The following DEPDC1 variants were observed in gnomAD, a reference collection of about 807,000 sequenced individuals.
The protein encoded by DEPDC1 is DEP domain-containing protein 1A.
DEPDC1 carries 66 observed loss-of-function variants against 86.8 expected under a neutral mutation model. The ratio of observed to expected loss-of-function variants is 0.76; its 90% CI spans 0.62 to 0.93. DEPDC1 has a LOEUF of 0.93. Ranked by LOEUF, DEPDC1 falls within the 40% of genes least tolerant of loss-of-function variation. The pLI is 0.00. For missense variants in DEPDC1, 792 were observed against 935.7 expected, an observed-to-expected ratio of 0.85 and a Z score of 2.00; for synonymous variants, 255 against 314.9, an observed-to-expected ratio of 0.81 and a Z score of 2.02.
At chr1:68,483,418 C>T (rs1646171603) in intron 7 of DEPDC1, 1 of 463,956 alleles carries the variant, frequency 2.2e-6, no homozygotes, top group Non-Finnish European at 4.2e-6. Flanking sequence ...CCAACTACAA[C>T]CTTGTGGGAG....
chr1:68,488,632 T>G (rs1468358650), intron 4 of DEPDC1, 128 bp from the exon 5 acceptor site: 6 of 779,946 alleles, frequency 7.7e-6, no homozygotes, highest in Non-Finnish European at 1.2e-5. Context: ...ATATTTAGTA[T>G]CCCCTTTCAA....
intron 2 of DEPDC1, among the ~76,000 whole-genome samples, chr1:68,493,951 C>T (rs1198271610): frequency 6.6e-6 from 1 of 152,178 alleles, no homozygotes; most frequent in African/African-American, 2.4e-5. Context: ...CCGCCCACCT[C>T]AGCCTCCCAA....
At chr1:68,495,754 A>G (rs1299025630) in intron 1 of DEPDC1, among the ~76,000 whole-genome samples, 1 of 152,140 alleles carries the variant, frequency 6.6e-6, no homozygotes, top group Non-Finnish European at 1.5e-5. Flanking sequence ...TTTTGGGCCT[A>G]TCTTCAATCT....
Position 68,482,766 on chromosome 1 carries a change from T to C in DEPDC1, c.1042A>G (p.Ser348Gly). 6.2e-7 allele frequency: 1 copy of C among 1,612,792 alleles called. No homozygotes were observed. The highest frequency in any genetic ancestry group is 8.5e-7 in the Non-Finnish European group (1 of 1,179,298). ...TTGTTTTTTTCTCTATGAAGCAGAC[T>C]GAGAAGAAGGCACTCAGTTGATTTG... is the stretch of plus-strand genomic sequence containing the variant. ...SFKSTECLLL[S>G]LLHREKNKEE... is the part of the protein sequence containing the mutation. The change falls in exon 8 of 12, where the codon AGT (serine) becomes GGT (glycine). Residue 348 changes from serine to glycine, a missense_variant. Coordinates refer to ENST00000456315, the MANE Select transcript of DEPDC1 (RefSeq NM_001114120.3).
intron 10 of DEPDC1, among the ~76,000 whole-genome samples, chr1:68,478,652 C>T (rs1338744914): frequency 6.6e-6 from 1 of 151,936 alleles, no homozygotes; most frequent in Non-Finnish European, 1.5e-5. Context: ...TCCTTCTCTC[C>T]TTCTTTTAAT....
At chr1:68,485,660 A>C (rs769375743) in intron 6 of DEPDC1, among the ~76,000 whole-genome samples, 2 of 152,100 alleles carry the variant, frequency 1.3e-5, no homozygotes, top group Non-Finnish European at 2.9e-5. Context: ...ATTCCTAACC[A>C]TGAGCAAAGG....
intron 1 of DEPDC1, among the ~76,000 whole-genome samples, chr1:68,495,335 C>T (rs1425784588): frequency 2.0e-5 from 3 of 152,130 alleles, no homozygotes; most frequent in Non-Finnish European, 4.4e-5. Context: ...ACATTCATCC[C>T]TGTTTTTTAC....
intron 6 of DEPDC1, 61 bp from the exon 7 acceptor site, chr1:68,484,151 A>T: frequency 7.8e-7 from 1 of 1,288,594 alleles, no homozygotes; most frequent in Non-Finnish European, 1.0e-6. Context: ...ACAATTTTTA[A>T]ACATAAAAAG....
intron 1 of DEPDC1, among the ~76,000 whole-genome samples, chr1:68,495,158 A>C (rs973249003): frequency 2.0e-5 from 3 of 151,784 alleles, no homozygotes; most frequent in Non-Finnish European, 4.4e-5. Context: ...AAAAAAAATT[A>C]TATCTTACAC....
At chr1:68,482,996 A>T (rs560205817) in intron 7 of DEPDC1, 99 bp from the exon 8 acceptor site, 2 of 1,256,272 alleles carry the variant, frequency 1.6e-6, no homozygotes, top group African/African-American at 3.1e-5. Flanking sequence ...GCATTACTAT[A>T]GTATATATTG....
chr1:68,485,574 T>A (rs1316169131), intron 6 of DEPDC1, among the ~76,000 whole-genome samples: 2 of 152,188 alleles, frequency 1.3e-5, no homozygotes, highest in African/African-American at 4.8e-5. Context: ...AGGTATTACA[T>A]AGACTGAAAC....
At position 68,489,600 on chromosome 1, in the gene DEPDC1, G is replaced by A; in HGVS notation, c.323C>T (p.Ala108Val). Reference protein sequence around the residue: ...DDNNQLFRFPATSPLKTLPRR... With the variant: ...DDNNQLFRFPVTSPLKTLPRR... The stretch of plus-strand genomic sequence containing the variant: ...TGGTAGAGTTTTAAGTGGCGAAGTT[G>A]CAGGAAATCTGGTTTAAAAACAATA... The change falls in exon 3 of 12, where the codon GCA becomes GTA. Residue 108 changes from alanine to valine, a missense_variant. Coordinates refer to ENST00000456315, the MANE Select transcript of DEPDC1 (RefSeq NM_001114120.3). 6.5e-7 allele frequency: 1 copy of A among 1,533,860 alleles called. No individual in the cohort carries two copies. Among genetic ancestry groups the A allele is most frequent in the Non-Finnish European group, 8.7e-7 (1 of 1,151,704 alleles).
In DEPDC1 at chr1:68,488,930, A is replaced by AT; in HGVS notation, c.575dup (p.Tyr192Ter). 1 of 1,582,034 alleles carries AT rather than the reference A, an allele frequency of 6.3e-7. No homozygotes were observed. The highest frequency in any genetic ancestry group is 8.7e-7 in the Non-Finnish European group (1 of 1,153,216). Residue 192 changes from tyrosine to a stop codon, truncating the protein, a stop_gained and frameshift_variant, in exon 4 of 12, where the codon TAT becomes TAAT. Coordinates refer to ENST00000456315, the MANE Select transcript of DEPDC1 (RefSeq NM_001114120.3). LOFTEE classifies it high-confidence loss of function. ...TTTTATCTTACTAGATCAGAATAAC[A>AT]TATCTCCAAACTTCTTCAACATCTT... ...SQEDVEEVWR[Y>*]VILIYLQTIL... is the part of the protein sequence containing the mutation.
Position 68,488,413 on chromosome 1 carries a change from T to G in DEPDC1, c.682A>C (p.Thr228Pro). ...PQYIMYNMAN[T>P]SKRGVVILQN... ...AGTATAACTACTCCACGTTTACTTGTATTGGCCATGTTGTACATTATATAT... is the reference window on the plus strand; with the variant it reads ...AGTATAACTACTCCACGTTTACTTGGATTGGCCATGTTGTACATTATATAT... Residue 228 changes from threonine to proline, a missense_variant, in exon 5 of 12, where the codon ACA becomes CCA. Physicochemically the swap from Thr to Pro is conservative, Grantham distance 38. Coordinates refer to ENST00000456315, the MANE Select transcript of DEPDC1 (RefSeq NM_001114120.3). 1 of 1,603,614 alleles carries G rather than the reference T, an allele frequency of 6.2e-7. No homozygotes were observed. Among genetic ancestry groups the G allele is most frequent in the African/African-American group, 1.3e-5 (1 of 74,502 alleles).
chr1:68,482,403 G>T lies in DEPDC1; in HGVS notation c.1405C>A (p.Leu469Ile). The change falls in exon 8 of 12, where the codon CTT (leucine) becomes ATT (isoleucine). Residue 469 changes from leucine (L) to isoleucine (I), a missense_variant. Transcript: ENST00000456315. ...SKPKQEFLLNLHSEENIQKPF... is the reference protein window; with the variant it reads ...SKPKQEFLLNIHSEENIQKPF... ...TTTTGAATATTTTCCTCTGAATGAAGATTCAACAGGAATTCCTGTTTGGGC... is the reference window on the plus strand; with the variant it reads ...TTTTGAATATTTTCCTCTGAATGAATATTCAACAGGAATTCCTGTTTGGGC... 2 of 1,612,786 alleles carry T rather than the reference G, an allele frequency of 1.2e-6. No homozygotes were observed. The highest frequency in any genetic ancestry group is 2.2e-5 in the South Asian group (2 of 91,054).
At position 68,488,941 on chromosome 1, in the gene DEPDC1, C is replaced by T. The variant is rs761786406; in HGVS notation, c.565G>A (p.Val189Ile). The T allele has an allele frequency of 6.3e-7, 1 of 1,598,824 alleles. No homozygotes were observed. The highest frequency in any genetic ancestry group is 8.6e-7 in the Non-Finnish European group (1 of 1,168,538). The change falls in exon 4 of 12, where the codon GTT (valine) becomes ATT (isoleucine). Residue 189 changes from valine (V) to isoleucine (I), a missense_variant. Val to Ile is a conservative substitution (Grantham distance 29). Transcript: ENST00000456315. ...RELSQEDVEE[V>I]WRYVILIYLQ... Reference sequence around the variant, plus strand: ...TAGATCAGAATAACATATCTCCAAACTTCTTCAACATCTTCCTGGCTTAGT... The same window carrying T: ...TAGATCAGAATAACATATCTCCAAATTTCTTCAACATCTTCCTGGCTTAGT...
At chr1:68,477,527 C>T (rs1454818465) in intron 11 of DEPDC1, among the ~76,000 whole-genome samples, 2 of 151,632 alleles carry the variant, frequency 1.3e-5, no homozygotes, top group Admixed American at 6.6e-5. Context: ...TATAATTATA[C>T]AAAATACCAG....
intron 10 of DEPDC1, among the ~76,000 whole-genome samples, 190 bp downstream of exon 10, chr1:68,478,954 C>A (rs1439892518): frequency 6.6e-6 from 1 of 151,984 alleles, no homozygotes; most frequent in Non-Finnish European, 1.5e-5. Context: ...AGGATCAACA[C>A]AGAAATAAGA....
At chr1:68,484,514 A>G (rs72674345) in intron 6 of DEPDC1, among the ~76,000 whole-genome samples, 10,994 of 152,032 alleles carry the variant, frequency 0.072, 525 homozygotes, top group African/African-American at 0.14. Flanking sequence ...GAATTTAAAT[A>G]ATATCTTTAC....
Sources: allele counts gnomAD v4.1 joint callset (sites outside exome capture counted in the v4.1 genomes callset), GRCh38; gene constraint gnomAD v4.1.1; transcripts MANE v1.5; gene names NCBI Gene and HGNC (gene_info 2026-07-23, HGNC 2026-07-21).